The following GOSR1 variants were observed in gnomAD, a reference collection of about 807,000 sequenced individuals.
The protein encoded by GOSR1 is 28 kDa Golgi SNARE protein.
Under a neutral mutation model 35.5 loss-of-function variants are expected in GOSR1, and 21 were observed. The observed-to-expected ratio is 0.59, with a 90% confidence interval of 0.42 to 0.85. GOSR1 has a LOEUF of 0.85. GOSR1 is among the 40% of genes least tolerant of loss of function. The probability of loss-of-function intolerance (pLI) is 0.00; values close to 1 mark genes in which losing one functional copy is unlikely to be tolerated. For synonymous variants in GOSR1, 94 were observed against 106.6 expected, an observed-to-expected ratio of 0.88 and a Z score of 0.73; for missense variants, 285 against 309.6, an observed-to-expected ratio of 0.92 and a Z score of 0.60.
At chr17:30,513,693 A>G (rs780637850) in intron 7 of GOSR1, among the ~76,000 whole-genome samples, 41 of 152,184 alleles carry the variant, frequency 2.7e-4, no homozygotes, top group Non-Finnish European at 4.9e-4. Context: ...GCTCACACCT[A>G]TGATCCTAAC....
At chr17:30,510,843 G>T (rs1000752822) in intron 6 of GOSR1, 37 bp from the exon 7 acceptor site, 2 of 1,201,708 alleles carry the variant, frequency 1.7e-6, no homozygotes, top group African/African-American at 3.0e-5. Context: ...TGTGCATTTA[G>T]TAAATTCAGA....
rs559423835 is a variant in GOSR1, at chr17:30,525,341, A to C, written c.*2963A>C. ...GGCATTTGATATATTTTTCTTAACT[A>C]TGGGGTTTATTTTTCTAAATGTGGG... On this transcript the variant is annotated 3_prime_UTR_variant, in exon 9 of 9. Transcript: ENST00000451249. 1 of 152,282 alleles carries C rather than the reference A, an allele frequency of 6.6e-6. No homozygotes were observed. Among genetic ancestry groups the C allele is most frequent in the African/African-American group, 2.4e-5 (1 of 41,556 alleles). The allele number at this position is 152,282 out of a possible 1,614,324, so 9.4% of individuals were successfully genotyped here. A position where few individuals can be genotyped will look rare whatever the true frequency, so the allele number is the denominator to read the frequency against.
At chr17:30,496,220 C>G (rs1295609201) in intron 6 of GOSR1, among the ~76,000 whole-genome samples, 1 of 152,196 alleles carries the variant, frequency 6.6e-6, no homozygotes, top group Non-Finnish European at 1.5e-5. Context: ...GTATTTGACT[C>G]TTCAGCCATC....
At chr17:30,516,474 A>AAAAAAAT in intron 7 of GOSR1, among the ~76,000 whole-genome samples, 1 of 129,814 alleles carries the variant, frequency 7.7e-6, no homozygotes, top group Non-Finnish European at 1.5e-5. Context: ...CGTCTCAAAC[A>AAAAAAAT]AAAAAAAAGA....
intron 4 of GOSR1, among the ~76,000 whole-genome samples, chr17:30,486,914 G>A (rs1914718430): frequency 6.6e-6 from 1 of 152,144 alleles, no homozygotes; most frequent in Non-Finnish European, 1.5e-5. Flanking sequence ...AAACAGCAGG[G>A]TTGTATCGTT....
In GOSR1 at chr17:30,519,997, C is replaced by G; in HGVS notation, c.598C>G (p.His200Asp). 1.2e-6 allele frequency: 2 copies of G among 1,607,598 alleles called. No homozygotes were observed. Among genetic ancestry groups the G allele is most frequent in the Non-Finnish European group, 8.5e-7 (1 of 1,174,494 alleles). Residue 200 changes from histidine (H) to aspartate (D), a missense_variant, in exon 8 of 9, where the codon CAC becomes GAC. His to Asp is a moderately conservative substitution (Grantham distance 81). Coordinates refer to ENST00000451249, the MANE Select transcript of GOSR1 (RefSeq NM_001007025.2). ...ACAGAGAGGAATGTTGAAGTCAATTCACAGCAAAATGAACACTTTGGCCAG... is the reference window on the plus strand; with the variant it reads ...ACAGAGAGGAATGTTGAAGTCAATTGACAGCAAAATGAACACTTTGGCCAG... Reference protein sequence around the residue: ...TSQRGMLKSIHSKMNTLANRF... With the variant: ...TSQRGMLKSIDSKMNTLANRF...
chr17:30,514,724 A>G (rs905345191), intron 7 of GOSR1, among the ~76,000 whole-genome samples: 3 of 152,176 alleles, frequency 2.0e-5, no homozygotes, highest in African/African-American at 7.2e-5. Flanking sequence ...TCATGCAAAA[A>G]AATATTAAAA....
At chr17:30,487,798 C>CCA in intron 4 of GOSR1, among the ~76,000 whole-genome samples, 1 of 151,906 alleles carries the variant, frequency 6.6e-6, no homozygotes, top group Non-Finnish European at 1.5e-5. Flanking sequence ...GACGGAGTCT[C>CCA]GCTCTGTTGT....
At chr17:30,491,159 A>G (rs543363075) in intron 5 of GOSR1, among the ~76,000 whole-genome samples, 9 of 152,240 alleles carry the variant, frequency 5.9e-5, no homozygotes, top group African/African-American at 1.9e-4. Context: ...ATTTATATAT[A>G]TGTTTTGAGG....
Position 30,522,620 on chromosome 17 carries a change from T to C in GOSR1, c.*242T>C. On this transcript the variant is annotated 3_prime_UTR_variant, in exon 9 of 9. Transcript: ENST00000451249. Reference sequence around the variant, plus strand: ...AAAAAAAAAAAAAAAGGTTTTCAGTTGCTTTTGTCTCCCTAGGAGGCAGGT... The same window carrying C: ...AAAAAAAAAAAAAAAGGTTTTCAGTCGCTTTTGTCTCCCTAGGAGGCAGGT... The C allele has an allele frequency of 3.5e-6, 1 of 285,220 alleles. No homozygotes were observed. Among genetic ancestry groups the C allele is most frequent in the Non-Finnish European group, 6.4e-6 (1 of 156,308 alleles). 17.7% of individuals were successfully genotyped at this position (285,220 alleles called of 1,614,324 possible).
chr17:30,486,019 TAA>T (rs753646179), intron 4 of GOSR1, among the ~76,000 whole-genome samples: 11 of 76,146 alleles, frequency 1.4e-4, no homozygotes, highest in Non-Finnish European at 1.1e-4. Context: ...AGACTCCATC[TAA>T]AAAAAAAAAA....
chr17:30,506,085 C>T (rs1967394079), intron 6 of GOSR1, among the ~76,000 whole-genome samples: 1 of 152,188 alleles, frequency 6.6e-6, no homozygotes, highest in South Asian at 2.1e-4. Flanking sequence ...CACTCCTCCT[C>T]AGGCCCCTCT....
At chr17:30,513,311 C>T (rs959163303) in intron 7 of GOSR1, among the ~76,000 whole-genome samples, 1 of 152,076 alleles carries the variant, frequency 6.6e-6, no homozygotes, top group African/African-American at 2.4e-5. Context: ...GTTCACAGAG[C>T]AGGTAACAGG....
chr17:30,515,883 G>T (rs920120094), intron 7 of GOSR1, among the ~76,000 whole-genome samples: 1 of 152,128 alleles, frequency 6.6e-6, no homozygotes, highest in Non-Finnish European at 1.5e-5. Context: ...TGGGAAGATG[G>T]GATTGTCAGC....
At position 30,524,467 on chromosome 17, in the gene GOSR1, G is replaced by T. The variant is rs1968149439; in HGVS notation, c.*2089G>T. ...TTCTTTTAAATTACAAGTACACTGG[G>T]GTTAACTGTATTGCTGGAAAAACAT... On this transcript the variant is annotated 3_prime_UTR_variant, in exon 9 of 9. Coordinates refer to ENST00000451249, the MANE Select transcript of GOSR1 (RefSeq NM_001007025.2). The T allele has an allele frequency of 6.6e-6, 1 of 151,982 alleles. No homozygotes were observed. The highest frequency in any genetic ancestry group is 1.5e-5 in the Non-Finnish European group (1 of 68,002). The allele number at this position is 151,982 out of a possible 1,614,324, so 9.4% of individuals were successfully genotyped here.
chr17:30,522,179 C>T (rs1968060495), intron 8 of GOSR1, 75 bp from the exon 9 acceptor site: 1 of 1,229,920 alleles, frequency 8.1e-7, no homozygotes, highest in Admixed American at 2.1e-5. Context: ...CCACTGATCT[C>T]TATTTTTGTG....
Position 30,524,087 on chromosome 17 carries a change from G to A in GOSR1, c.*1709G>A, listed in dbSNP as rs7216263. Reference sequence around the variant, plus strand: ...CAGGGACACAAACACTGCGGAAGGCGGCAGGGTCCTCTGCCTAGGAAAACC... The same window carrying A: ...CAGGGACACAAACACTGCGGAAGGCAGCAGGGTCCTCTGCCTAGGAAAACC... On this transcript the variant is annotated 3_prime_UTR_variant, in exon 9 of 9. Coordinates refer to ENST00000451249, the MANE Select transcript of GOSR1 (RefSeq NM_001007025.2). 45 of 176,080 alleles carry A rather than the reference G, an allele frequency of 2.6e-4. No individual in the cohort carries two copies. The highest frequency in any genetic ancestry group is 1.0e-3 in the East Asian group (6 of 6,024). The allele number at this position is 176,080 out of a possible 1,614,324, so 10.9% of individuals were successfully genotyped here. A position where few individuals can be genotyped will look rare whatever the true frequency, so the allele number is the denominator to read the frequency against.
intron 6 of GOSR1, among the ~76,000 whole-genome samples, chr17:30,502,099 G>A (rs1252447195): frequency 6.6e-6 from 1 of 152,230 alleles, no homozygotes; most frequent in Non-Finnish European, 1.5e-5. Context: ...CAGCCAGTCT[G>A]TGAAGGCTAC....
intron 6 of GOSR1, among the ~76,000 whole-genome samples, chr17:30,499,765 CAGT>C (rs1406810267): frequency 6.6e-6 from 1 of 152,180 alleles, no homozygotes; most frequent in Non-Finnish European, 1.5e-5. Flanking sequence ...GCATTCCTGT[CAGT>C]GGTGTGTGGG....
Sources: gnomAD v4.1 joint callset for allele counts (sites outside exome capture counted in the v4.1 genomes callset) on GRCh38, gnomAD v4.1.1 for gene constraint, MANE v1.5 for transcripts, NCBI Gene and HGNC (gene_info 2026-07-23, HGNC 2026-07-21) for gene names.